Variants in DYNC2H1 observed in about 807,000 individuals in gnomAD.
DYNC2H1 encodes the protein cytoplasmic dynein 2 heavy chain 1.
Under a neutral mutation model 570.0 loss-of-function variants are expected in DYNC2H1, and 410 were observed. The observed-to-expected ratio is 0.72, with a 90% confidence interval of 0.66 to 0.78. The LOEUF is 0.78. Ranked by LOEUF, DYNC2H1 falls within the 30% of genes least tolerant of loss-of-function variation. The pLI is 0.00. For synonymous variants in DYNC2H1, 1,688 were observed against 1,677.6 expected (o/e 1.01, Z -0.15); for missense variants, 4,865 against 5,046.4 (o/e 0.96, Z 1.09).
At position 103,198,155 on chromosome 11, in the gene DYNC2H1, T is replaced by C. The variant is rs537290605; in HGVS notation, c.7839+92T>C. On this transcript the variant is annotated intron_variant, in intron 48 of 88. Coordinates refer to ENST00000375735, the MANE Select transcript of DYNC2H1 (RefSeq NM_001377.3). ...AAATATTTAGAGGGCATGAATATGA[T>C]AGATTGTAGAATAGGCAAAGCTGGT... 19 of 1,374,510 alleles carry C rather than the reference T, an allele frequency of 1.4e-5. No homozygotes were observed. In the East Asian group the frequency reaches 2.5e-4, roughly 18 times the overall value. The allele number at this position is 1,374,510 out of a possible 1,614,324, so 85.1% of individuals were successfully genotyped here.
chr11:103,462,990 G>T (rs558815255), intron 87 of DYNC2H1, among the ~76,000 whole-genome samples: 2 of 152,300 alleles, frequency 1.3e-5, no homozygotes, highest in Admixed American at 6.5e-5. Context: ...CAATCATGCA[G>T]ATCAGTATAA....
rs71465387 is a variant in DYNC2H1 at position 103,125,366 on chromosome 11, CTT to C, written c.1857+89_1857+90del. 0.11 allele frequency: 57,761 copies of C among 538,874 alleles called. 297 individuals carry two copies. The highest frequency in any genetic ancestry group is 0.17 in the African/African-American group (7,100 of 41,450). The allele number at this position is 538,874 out of a possible 1,614,324, so 33.4% of individuals were successfully genotyped here. A position where few individuals can be genotyped will look rare whatever the true frequency, so the allele number is the denominator to read the frequency against. On this transcript the variant is annotated intron_variant, in intron 12 of 88. Coordinates refer to ENST00000375735, the MANE Select transcript of DYNC2H1 (RefSeq NM_001377.3). Reference sequence around the variant, plus strand: ...ACGTTAAACTAGAATATGCTAAAGGCTTTTTTTTTTTTTTTTTTTAGGCTCAT... The same window carrying C: ...ACGTTAAACTAGAATATGCTAAAGGCTTTTTTTTTTTTTTTTTAGGCTCAT...
Position 103,179,252 on chromosome 11 carries a change from A to T in DYNC2H1, c.6347+19A>T. On this transcript the variant is annotated intron_variant, in intron 39 of 88. Coordinates refer to ENST00000375735, the MANE Select transcript of DYNC2H1 (RefSeq NM_001377.3). ...TTCTTAGGTAAGCCATAGATTATTT[A>T]TATACAGTATATTAGAATATTCTTT... 1.2e-6 allele frequency: 2 copies of T among 1,604,100 alleles called. No individual in the cohort carries two copies. The highest frequency in any genetic ancestry group is 1.7e-6 in the Non-Finnish European group (2 of 1,172,368).
At position 103,280,862 on chromosome 11, in the gene DYNC2H1, A is replaced by AT. The variant is rs953457393; in HGVS notation, c.10761+456dup. Reference sequence around the variant, plus strand: ...TTCCTGAACCTACAGGTTTATGTTAATTTTTTTATGTATAATTTGTCTTCC... The same window carrying AT: ...TTCCTGAACCTACAGGTTTATGTTAATTTTTTTTATGTATAATTTGTCTTCC... On this transcript the variant is annotated intron_variant, in intron 71 of 88. Coordinates refer to ENST00000375735, the MANE Select transcript of DYNC2H1 (RefSeq NM_001377.3). The surrounding 1 kb of genome is among the most constrained non-coding windows in gnomAD (Gnocchi z 4.7). Among the ~76,000 whole-genome samples the AT allele has an allele frequency of 1.3e-5, 2 of 151,922 alleles. No homozygotes were observed. Among genetic ancestry groups the AT allele is most frequent in the Non-Finnish European group, 2.9e-5 (2 of 67,940 alleles).
intron 83 of DYNC2H1, among the ~76,000 whole-genome samples, chr11:103,382,431 A>C (rs1261353746): frequency 6.6e-6 from 1 of 152,220 alleles, no homozygotes; most frequent in Non-Finnish European, 1.5e-5. Flanking sequence ...AAGTTAAATA[A>C]AATTAAGAAA....
chr11:103,302,880 C>T (rs892177156), intron 75 of DYNC2H1, among the ~76,000 whole-genome samples: 4 of 151,900 alleles, frequency 2.6e-5, no homozygotes, highest in Admixed American at 6.6e-5. Context: ...TGATATCATA[C>T]GTGGAAAACA....
At position 103,316,639 on chromosome 11, in the gene DYNC2H1, T is replaced by G. The variant is rs1307137506; in HGVS notation, c.11725+19T>G. The G allele has an allele frequency of 1.4e-6, 2 of 1,466,846 alleles. No individual in the cohort carries two copies. The highest frequency in any genetic ancestry group is 2.9e-5 in the African/African-American group (2 of 69,016). 90.9% of individuals were successfully genotyped at this position (1,466,846 alleles called of 1,614,324 possible). On this transcript the variant is annotated intron_variant, in intron 80 of 88. Coordinates refer to ENST00000375735, the MANE Select transcript of DYNC2H1 (RefSeq NM_001377.3). ...TTTGATGGTAAGTTCTAACAAAAAT[T>G]TTAATCTCATATTAATAAAATATTT...
rs1279690591 is a variant in DYNC2H1, at chr11:103,465,150, GA to G, written c.12649-3432del. 6.6e-5 allele frequency among the ~76,000 whole-genome samples: 10 copies of G among 151,854 alleles called. No individual in the cohort carries two copies. The highest frequency in any genetic ancestry group is 6.6e-4 in the Admixed American group (10 of 15,238). ...GAGAAAAAGCAAAAAAAGGTAAAGA[GA>G]AAAAAATATAAAATGGGAATAATAC... is the stretch of plus-strand genomic sequence containing the variant. On this transcript the variant is annotated intron_variant, in intron 87 of 88. Transcript: ENST00000375735. This position sits in a 1 kb window ranked among gnomAD's most constrained non-coding sequence, Gnocchi z 4.9.
chr11:103,155,156 A>T (rs1860754714), intron 24 of DYNC2H1, among the ~76,000 whole-genome samples, 175 bp from the exon 25 acceptor site: 1 of 152,150 alleles, frequency 6.6e-6, no homozygotes, highest in Non-Finnish European at 1.5e-5. Context: ...GCAACATTTA[A>T]TCAAAAGCTT....
At position 103,277,309 on chromosome 11, in the gene DYNC2H1, T is replaced by C. The variant is rs1865952508; in HGVS notation, c.10696-3039T>C. ...TTAAAAATTTAGCTCCAATTTTATT[T>C]TAATGTGGGTAATTTCCTTCGGTTT... On this transcript the variant is annotated intron_variant, in intron 70 of 88. Transcript: ENST00000375735. This position sits in a 1 kb window ranked among gnomAD's most constrained non-coding sequence, Gnocchi z 4.3. Among the ~76,000 whole-genome samples, 1 of 152,136 alleles carries C rather than the reference T, an allele frequency of 6.6e-6. No homozygotes were observed. Among genetic ancestry groups the C allele is most frequent in the African/African-American group, 2.4e-5 (1 of 41,450 alleles).
intron 84 of DYNC2H1, among the ~76,000 whole-genome samples, chr11:103,425,221 C>A (rs890218575): frequency 6.7e-6 from 1 of 149,224 alleles, no homozygotes; most frequent in Non-Finnish European, 1.5e-5. Flanking sequence ...TTACAGGTGG[C>A]GCCACCTGGC....
chr11:103,208,262 A>C (rs1863014837), intron 52 of DYNC2H1, among the ~76,000 whole-genome samples: 1 of 152,154 alleles, frequency 6.6e-6, no homozygotes, highest in Non-Finnish European at 1.5e-5. Flanking sequence ...AAGGTAAGAC[A>C]AGGATTGTGT....
chr11:103,420,525 A>C (rs1349698172), intron 84 of DYNC2H1, among the ~76,000 whole-genome samples: 1 of 152,166 alleles, frequency 6.6e-6, no homozygotes, highest in Non-Finnish European at 1.5e-5. Flanking sequence ...CTAACAATAG[A>C]TCTCTCAGCA....
At chr11:103,141,143 T>A (rs1016701973) in intron 17 of DYNC2H1, among the ~76,000 whole-genome samples, 1 of 152,318 alleles carries the variant, frequency 6.6e-6, no homozygotes, top group Admixed American at 6.5e-5. Context: ...TCTTTGCCTT[T>A]GGTTTGAATA....
intron 82 of DYNC2H1, 68 bp from the exon 83 acceptor site, chr11:103,358,175 C>T (rs919377385): frequency 1.2e-6 from 1 of 859,070 alleles, no homozygotes; most frequent in Non-Finnish European, 1.7e-6. Context: ...GTTTTTGTAC[C>T]TATGTTCTTT....
At chr11:103,149,766 G>A (rs1480846441) in intron 20 of DYNC2H1, among the ~76,000 whole-genome samples, 1 of 152,030 alleles carries the variant, frequency 6.6e-6, no homozygotes, top group Admixed American at 6.6e-5. Context: ...ATACACGTGT[G>A]TGCGTGTGTG....
At chr11:103,347,937 A>G (rs999704106) in intron 82 of DYNC2H1, among the ~76,000 whole-genome samples, 2 of 152,176 alleles carry the variant, frequency 1.3e-5, no homozygotes, top group Admixed American at 6.6e-5. Context: ...CTTGAAAGGC[A>G]GTGGCAAACT....
chr11:103,187,401 A>T lies in DYNC2H1; in HGVS notation c.6955A>T (p.Ser2319Cys). The T allele has an allele frequency of 6.2e-7, 1 of 1,613,152 alleles. No homozygotes were observed. The highest frequency in any genetic ancestry group is 8.5e-7 in the Non-Finnish European group (1 of 1,179,360). ...RSTQIATVHC[S>C]AQTTSRHLLQ... ...CACTCAAATTGCTACAGTTCACTGT[A>T]GTGCACAAACCACTTCTCGACATCT... Residue 2319 changes from serine to cysteine, a missense_variant, in exon 43 of 89, where the codon AGT (serine) becomes TGT (cysteine). Ser to Cys is a moderately radical substitution (Grantham distance 112). Coordinates refer to ENST00000375735, the MANE Select transcript of DYNC2H1 (RefSeq NM_001377.3).
chr11:103,390,538 T>G (rs1239301765), intron 83 of DYNC2H1, among the ~76,000 whole-genome samples: 1 of 152,162 alleles, frequency 6.6e-6, no homozygotes, highest in Non-Finnish European at 1.5e-5. Flanking sequence ...GATCCTGTCA[T>G]TATGATGTTA....
Sources: gnomAD v4.1 joint callset for allele counts (sites outside exome capture counted in the v4.1 genomes callset) on GRCh38, gnomAD v4.1.1 for gene constraint, Gnocchi (gnomAD v3.1) non-coding constraint, MANE v1.5 for transcripts, NCBI Gene and HGNC (gene_info 2026-07-23, HGNC 2026-07-21) for gene names.